PPL: variants seen among roughly 807,000 people sequenced by gnomAD.
PPL encodes the protein periplakin, also known as 190 kDa paraneoplastic pemphigus antigen.
PPL carries 198 observed loss-of-function variants against 194.4 expected under a neutral mutation model. That is an observed-to-expected ratio of 1.02 (90% CI 0.91 to 1.15). The LOEUF (loss-of-function observed/expected upper bound fraction) is 1.15, where lower values mean the gene tolerates loss of function less well. Among genes scored for constraint, PPL ranks in the 50% most tolerant of loss-of-function variants. PPL has a pLI of 0.00. For synonymous variants in PPL, 1,220 were observed against 972.4 expected, an observed-to-expected ratio of 1.25 and a Z score of -4.74; for missense variants, 2,885 against 2,294.8, an observed-to-expected ratio of 1.26 and a Z score of -5.25.
intron 2 of PPL, among the ~76,000 whole-genome samples, chr16:4,910,511 G>A (rs1028336888): frequency 1.3e-5 from 2 of 152,110 alleles, no homozygotes; most frequent in Admixed American, 6.5e-5. Context: ...GGCAGGAGAC[G>A]CTTTCCACAG....
chr16:4,901,051 C>T lies in PPL; in HGVS notation c.477G>A (p.Pro159=), dbSNP rs145770210. The T allele has an allele frequency of 1.5e-4, 249 of 1,614,054 alleles. 1 individual carries two copies. Among genetic ancestry groups the T allele is most frequent in the Non-Finnish European group, 1.8e-4 (215 of 1,180,050 alleles). The change falls in exon 5 of 22, where the codon CCG becomes CCA. Residue 159 remains proline (P), a synonymous_variant. Coordinates refer to ENST00000345988, the MANE Select transcript of PPL (RefSeq NM_002705.5). ...GCTCCTCCACTTGGTGGTCCACCAG[C>T]GGCAGGTCAGTCCCAAAGCTCTGGT... ...LNNQSFGTDL[P]LVDHQVEEHN...
chr16:4,891,632 G>C (rs770661622), intron 16 of PPL, 179 bp downstream of exon 16: 15 of 710,014 alleles, frequency 2.1e-5, no homozygotes, highest in Non-Finnish European at 3.1e-5. Context: ...AAGTCACACA[G>C]ATCCCGTGAA....
chr16:4,910,532 G>A (rs1201684180), intron 2 of PPL, among the ~76,000 whole-genome samples: 1 of 152,132 alleles, frequency 6.6e-6, no homozygotes, highest in African/African-American at 2.4e-5. Context: ...GGCCCAGGAA[G>A]AGGGAGGAAC....
At chr16:4,908,143 C>T (rs2088736851) in intron 2 of PPL, among the ~76,000 whole-genome samples, 1 of 120,380 alleles carries the variant, frequency 8.3e-6, no homozygotes, top group Non-Finnish European at 1.6e-5. Flanking sequence ...GCCTGGACAA[C>T]AGAGTGAGAG....
In PPL at chr16:4,927,320, G is replaced by T. The variant is rs150952534; in HGVS notation, c.62+9664C>A. Among the ~76,000 whole-genome samples the T allele has an allele frequency of 1.4e-3, 219 of 152,346 alleles. 1 individual carries two copies. Among genetic ancestry groups the T allele is most frequent in the African/African-American group, 4.9e-3 (205 of 41,578 alleles). ...GTCCATATATCTCAAAGACAAGAGG[G>T]AGCGAGGCAATCCATGTAACTATGT... is the stretch of plus-strand genomic sequence containing the variant. On this transcript the variant is annotated intron_variant, in intron 1 of 21. Coordinates refer to ENST00000345988, the MANE Select transcript of PPL (RefSeq NM_002705.5).
intron 1 of PPL, among the ~76,000 whole-genome samples, chr16:4,926,194 G>C (rs900193957): frequency 2.0e-5 from 3 of 152,166 alleles, no homozygotes; most frequent in African/African-American, 7.2e-5. Context: ...AGGAAACTGA[G>C]CCTCAGGAAG....
chr16:4,900,434 CTTT>C (rs1217002366), intron 6 of PPL, among the ~76,000 whole-genome samples: 4 of 61,676 alleles, frequency 6.5e-5, no homozygotes, highest in Non-Finnish European at 1.2e-4. Context: ...TACTGCACGC[CTTT>C]TTTTTTTTTT....
chr16:4,934,914 C>T (rs1403950749), intron 1 of PPL, among the ~76,000 whole-genome samples: 2 of 152,180 alleles, frequency 1.3e-5, no homozygotes, highest in Non-Finnish European at 1.5e-5. Context: ...GGAGACCACC[C>T]GGGGAGGCAT....
rs758745160 is a variant in PPL at position 4,883,764 on chromosome 16, G to C, written c.4891C>G (p.Leu1631Val). 2 of 1,614,098 alleles carry C rather than the reference G, an allele frequency of 1.2e-6. No homozygotes were observed. The highest frequency in any genetic ancestry group is 1.7e-5 in the Admixed American group (1 of 60,026). Residue 1631 changes from leucine (L) to valine (V), a missense_variant, in exon 22 of 22, where the codon CTC (leucine) becomes GTC (valine). Transcript: ENST00000345988. The surrounding 1 kb of genome is among the most constrained non-coding windows in gnomAD (Gnocchi z 4.8). ...DLKRLSKDKD[L>V]EIDELQKRLG... ...CGCTTCTGCAGCTCGTCGATCTCGA[G>C]GTCTTTGTCCTTGGAGAGCCTCTTG...
At chr16:4,893,678 C>A (rs1376079043) in intron 12 of PPL, 40 bp from the exon 13 acceptor site, 23 of 1,510,046 alleles carry the variant, frequency 1.5e-5, no homozygotes, top group Middle Eastern at 1.7e-4. Context: ...GGGCAGCCCA[C>A]CACCCCCTGC....
At chr16:4,895,084 C>G (rs1354543686) in intron 11 of PPL, among the ~76,000 whole-genome samples, 177 bp downstream of exon 11, 1 of 152,132 alleles carries the variant, frequency 6.6e-6, no homozygotes, top group African/African-American at 2.4e-5. Context: ...CCAGGGCAGC[C>G]GAGGTGGGGG....
rs779688769 is a variant in PPL at position 4,890,716 on chromosome 16, C to G, written c.2162+12G>C. The G allele has an allele frequency of 1.3e-6, 2 of 1,598,614 alleles. No individual in the cohort carries two copies. Among genetic ancestry groups the G allele is most frequent in the South Asian group, 1.1e-5 (1 of 89,494 alleles). On this transcript the variant is annotated intron_variant, in intron 17 of 21. Coordinates refer to ENST00000345988, the MANE Select transcript of PPL (RefSeq NM_002705.5). ...AGAAAACAAAAATGGCCACCACCCA[C>G]CGCACCCTCACCTGCGTTCCACCTG...
Position 4,899,261 on chromosome 16 carries a change from G to C in PPL, c.730C>G (p.Arg244Gly). 6.2e-7 allele frequency: 1 copy of C among 1,613,840 alleles called. No individual in the cohort carries two copies. The highest frequency in any genetic ancestry group is 8.5e-7 in the Non-Finnish European group (1 of 1,179,954). Residue 244 changes from arginine (R) to glycine (G), a missense_variant, in exon 7 of 22, where the codon CGC (arginine) becomes GGC (glycine). Physicochemically the swap from Arg to Gly is moderately radical, Grantham distance 125. Transcript: ENST00000345988. ...CGGCGGCTGGGGTAGTCGAGGTTGC[G>C]GTCACTCCAGTCGTACTGCATGCGG... Reference protein sequence around the residue: ...KGRMQYDWSDRNLDYPSRRRQ... With the variant: ...KGRMQYDWSDGNLDYPSRRRQ...
Position 4,885,223 on chromosome 16 carries a change from A to G in PPL, c.3432T>C (p.Ala1144=). Residue 1144 remains alanine, a synonymous_variant, in exon 22 of 22, where the codon GCT becomes GCC. Transcript: ENST00000345988. This position sits in a 1 kb window ranked among gnomAD's most constrained non-coding sequence, Gnocchi z 6.3. ...CCGTCTTCTCCCTCTGGCTAGCGCGAGCCTTGGCAGCCTCGTCCTCATATT... is the reference window on the plus strand; with the variant it reads ...CCGTCTTCTCCCTCTGGCTAGCGCGGGCCTTGGCAGCCTCGTCCTCATATT... ...TRQYEDEAAK[A]RASQREKTEL... 1 of 1,613,072 alleles carries G rather than the reference A, an allele frequency of 6.2e-7. No individual in the cohort carries two copies. The highest frequency in any genetic ancestry group is 8.5e-7 in the Non-Finnish European group (1 of 1,179,892).
intron 1 of PPL, among the ~76,000 whole-genome samples, chr16:4,915,161 G>T (rs1280054662): frequency 2.0e-5 from 3 of 152,212 alleles, no homozygotes; most frequent in African/African-American, 4.8e-5. Flanking sequence ...ACTCTATCCT[G>T]GCTGGGCCTG....
chr16:4,907,284 T>C (rs925554654), intron 2 of PPL, among the ~76,000 whole-genome samples: 1 of 138,406 alleles, frequency 7.2e-6, no homozygotes, highest in Non-Finnish European at 1.5e-5. Context: ...AAATAAAAAA[T>C]TATAGGGACT....
chr16:4,895,453 C>T (rs775908822), intron 10 of PPL, 46 bp from the exon 11 acceptor site: 1 of 1,607,424 alleles, frequency 6.2e-7, no homozygotes, highest in Non-Finnish European at 8.5e-7. Flanking sequence ...AACAGCCTTC[C>T]CCCTGGTGGG....
intron 2 of PPL, among the ~76,000 whole-genome samples, chr16:4,908,543 T>C (rs1484727146): frequency 6.6e-6 from 1 of 152,062 alleles, no homozygotes; most frequent in African/African-American, 2.4e-5. Flanking sequence ...CTTTATTGAT[T>C]GATTGATTGA....
rs983971938 is a variant in PPL, at chr16:4,903,798, C to G, written c.317+88G>C. ...CTAATTAGCCCTTGATAACCCCTGACTCGGGCTCCCAAATGCTGAACAGGA... is the reference window on the plus strand; with the variant it reads ...CTAATTAGCCCTTGATAACCCCTGAGTCGGGCTCCCAAATGCTGAACAGGA... On this transcript the variant is annotated intron_variant, in intron 3 of 21. Transcript: ENST00000345988. 8 of 1,513,202 alleles carry G rather than the reference C, an allele frequency of 5.3e-6. No homozygotes were observed. In the African/African-American group the frequency reaches 1.1e-4, roughly 21 times the overall value. The allele number at this position is 1,513,202 out of a possible 1,614,324, so 93.7% of individuals were successfully genotyped here.
Sources: gnomAD v4.1 joint callset for allele counts (sites outside exome capture counted in the v4.1 genomes callset) on GRCh38, gnomAD v4.1.1 for gene constraint, Gnocchi (gnomAD v3.1) non-coding constraint, MANE v1.5 for transcripts, NCBI Gene and HGNC (gene_info 2026-07-23, HGNC 2026-07-21) for gene names.